RASGRP3: variants seen among roughly 807,000 people sequenced by gnomAD.
RASGRP3 encodes RAS guanyl releasing protein 3, also known as ras guanyl-releasing protein 3.
A neutral mutation model predicts 82.7 loss-of-function variants in RASGRP3; 54 were observed. The ratio of observed to expected loss-of-function variants is 0.65; its 90% CI spans 0.52 to 0.82. RASGRP3 has a LOEUF of 0.82. Ranked by LOEUF, RASGRP3 falls within the 40% of genes least tolerant of loss-of-function variation. RASGRP3 has a pLI of 0.00. For missense variants in RASGRP3, 861 were observed against 828.9 expected (o/e 1.04, Z -0.48); for synonymous variants, 309 against 300.5 (o/e 1.03, Z -0.29).
chr2:33,445,584 A>C (rs1001964035), intron 1 of RASGRP3, among the ~76,000 whole-genome samples: 1 of 152,146 alleles, frequency 6.6e-6, no homozygotes, highest in Non-Finnish European at 1.5e-5. Context: ...CTAAAATGCC[A>C]CGTATCTACA....
intron 1 of RASGRP3, among the ~76,000 whole-genome samples, chr2:33,485,848 T>G (rs903689845): frequency 1.3e-5 from 2 of 152,244 alleles, no homozygotes; most frequent in Non-Finnish European, 2.9e-5. Context: ...ATTTATTATG[T>G]AAGAATTGAA....
At chr2:33,473,337 C>T (rs527928629), upstream of RASGRP3, among the ~76,000 whole-genome samples, 21 of 151,848 alleles carry the variant, frequency 1.4e-4, no homozygotes, top group East Asian at 1.2e-3. Context: ...GAGCCGAGAT[C>T]GCGCCACCAC....
intron 1 of RASGRP3, among the ~76,000 whole-genome samples, chr2:33,447,010 G>T (rs1665536088): frequency 6.6e-6 from 1 of 151,832 alleles, no homozygotes; most frequent in Non-Finnish European, 1.5e-5. Context: ...AGGTGTTGGT[G>T]GCGGGTGCCT....
At chr2:33,462,669 C>A (rs1391985257) in intron 2 of RASGRP3, among the ~76,000 whole-genome samples, 1 of 152,186 alleles carries the variant, frequency 6.6e-6, no homozygotes, top group Non-Finnish European at 1.5e-5. Flanking sequence ...TGAGCCACTG[C>A]GCCGGCCAGA....
chr2:33,540,914 A>C (rs932749991), intron 12 of RASGRP3, among the ~76,000 whole-genome samples: 1 of 146,392 alleles, frequency 6.8e-6, no homozygotes, highest in Non-Finnish European at 1.5e-5. Context: ...TACCTACAAA[A>C]AAGCTTGAGA....
At chr2:33,520,772 C>A in intron 6 of RASGRP3, 88 bp downstream of exon 6, 1 of 1,529,534 alleles carries the variant, frequency 6.5e-7, no homozygotes. Flanking sequence ...CTGAGTCCAT[C>A]CCACTCCTGA....
rs1432344253 is a variant in RASGRP3 at position 33,562,754 on chromosome 2, C to G, written c.*17C>G. On this transcript the variant is annotated 3_prime_UTR_variant, in exon 18 of 18. Coordinates refer to ENST00000403687, the MANE Select transcript of RASGRP3 (RefSeq NM_001139488.2). ...GATGGCTGACTTCAGGCTGCGGAAA[C>G]TGAAGGCAATAATGTTGGCTTTTGG... The G allele has an allele frequency of 6.2e-7, 1 of 1,613,102 alleles. No individual in the cohort carries two copies. Among genetic ancestry groups the G allele is most frequent in the Admixed American group, 1.7e-5 (1 of 60,018 alleles).
chr2:33,528,743 T>C (rs1672813779), intron 10 of RASGRP3, among the ~76,000 whole-genome samples: 1 of 152,152 alleles, frequency 6.6e-6, no homozygotes, highest in Admixed American at 6.5e-5. Flanking sequence ...AATGCAGCTA[T>C]ACCCTTCAAA....
At chr2:33,539,401 C>A in intron 12 of RASGRP3, 191 bp downstream of exon 12, 1 of 526,124 alleles carries the variant, frequency 1.9e-6, no homozygotes, top group Non-Finnish European at 3.5e-6. Flanking sequence ...GCCCTTTTCC[C>A]TTTGTTGTCT....
intron 2 of RASGRP3, among the ~76,000 whole-genome samples, chr2:33,449,047 C>A (rs1304243393): frequency 6.6e-6 from 1 of 152,116 alleles, no homozygotes; most frequent in African/African-American, 2.4e-5. Context: ...ACATGTTTTT[C>A]AAATTATGCA....
At chr2:33,455,496 C>G (rs1665990923) in intron 2 of RASGRP3, among the ~76,000 whole-genome samples, 1 of 152,234 alleles carries the variant, frequency 6.6e-6, no homozygotes, top group African/African-American at 2.4e-5. Flanking sequence ...ATGCTGCTTA[C>G]AGGCAATGAA....
At chr2:33,441,328 C>T (rs1478360054) in intron 1 of RASGRP3, among the ~76,000 whole-genome samples, 1 of 151,832 alleles carries the variant, frequency 6.6e-6, no homozygotes. Context: ...AAAAAATATT[C>T]CACATATAAA....
At chr2:33,533,554 A>C (rs1448412913) in intron 10 of RASGRP3, 1 of 152,220 alleles carries the variant, frequency 6.6e-6, no homozygotes, top group African/African-American at 2.4e-5. Context: ...CCAACTCAGT[A>C]GGGACTTTTA....
At chr2:33,438,114 CAT>C (rs1319646538) in intron 1 of RASGRP3, among the ~76,000 whole-genome samples, 1 of 152,238 alleles carries the variant, frequency 6.6e-6, no homozygotes, top group East Asian at 1.9e-4. Context: ...GACACATTCA[CAT>C]GTTTACATTA....
chr2:33,546,568 A>G (rs916058771), intron 13 of RASGRP3, among the ~76,000 whole-genome samples: 2 of 152,160 alleles, frequency 1.3e-5, no homozygotes, highest in African/African-American at 4.8e-5. Flanking sequence ...TAAAAACAGA[A>G]CTACACTTCA....
intron 13 of RASGRP3, among the ~76,000 whole-genome samples, chr2:33,546,556 G>A (rs559696331): frequency 7.2e-5 from 11 of 152,094 alleles, no homozygotes; most frequent in South Asian, 4.1e-4. Flanking sequence ...TCCTCAAGCA[G>A]CTAAAAACAG....
intron 4 of RASGRP3, among the ~76,000 whole-genome samples, chr2:33,518,268 C>T (rs907985036): frequency 1.3e-5 from 2 of 152,306 alleles, no homozygotes; most frequent in Middle Eastern, 3.4e-3. Flanking sequence ...TGTCGCTGTA[C>T]TGAATTCTAT....
intron 1 of RASGRP3, among the ~76,000 whole-genome samples, chr2:33,488,979 T>C (rs180745379): frequency 7.2e-5 from 11 of 152,326 alleles, no homozygotes; most frequent in Admixed American, 2.6e-4. Flanking sequence ...GGTTTCCATT[T>C]TGATGTTATG....
At chr2:33,496,423 G>A (rs894464225) in intron 1 of RASGRP3, among the ~76,000 whole-genome samples, 2 of 152,152 alleles carry the variant, frequency 1.3e-5, no homozygotes, top group Admixed American at 6.5e-5. Flanking sequence ...CAGGCTTATG[G>A]CATCTATAGT....
Sources: allele counts gnomAD v4.1 joint callset (sites outside exome capture counted in the v4.1 genomes callset), GRCh38; gene constraint gnomAD v4.1.1; transcripts MANE v1.5; gene names NCBI Gene and HGNC (gene_info 2026-07-23, HGNC 2026-07-21).